The following SUPV3L1 variants were observed in gnomAD, a reference collection of about 807,000 sequenced individuals.
SUPV3L1 encodes the protein ATP-dependent RNA helicase SUPV3L1, mitochondrial.
A neutral mutation model predicts 70.0 loss-of-function variants in SUPV3L1; 35 were observed. The observed-to-expected ratio is 0.50, with a 90% confidence interval of 0.38 to 0.66. The LOEUF (loss-of-function observed/expected upper bound fraction) is 0.66, where lower values mean the gene tolerates loss of function less well. Among genes scored for constraint, SUPV3L1 ranks in the 30% least tolerant of loss-of-function variants. The pLI is 0.00. For synonymous variants in SUPV3L1, 364 were observed against 341.9 expected, an observed-to-expected ratio of 1.06 and a Z score of -0.71; for missense variants, 777 against 961.5, an observed-to-expected ratio of 0.81 and a Z score of 2.54.
At chr10:69,199,019 G>A in intron 9 of SUPV3L1, 85 bp from the exon 10 acceptor site, 1 of 967,212 alleles carries the variant, frequency 1.0e-6, no homozygotes, top group Non-Finnish European at 1.6e-6. Context: ...GGGAAGAACA[G>A]GAGGTGAGGG....
At position 69,189,585 on chromosome 10, in the gene SUPV3L1, A is replaced by G. The variant is rs144118253; in HGVS notation, c.741+150A>G. ...GCTGTCAATTGTAAGATGTACCATT[A>G]TTTTATATACAGTTAAGAAAGAAAA... On this transcript the variant is annotated intron_variant, in intron 5 of 14. Transcript: ENST00000359655. 54 of 682,542 alleles carry G rather than the reference A, an allele frequency of 7.9e-5. No individual in the cohort carries two copies. In the African/African-American group the frequency reaches 9.1e-4, roughly 12 times the overall value. 42.3% of individuals were successfully genotyped at this position (682,542 alleles called of 1,614,324 possible). A position where few individuals can be genotyped will look rare whatever the true frequency, so the allele number is the denominator to read the frequency against.
At chr10:69,180,932 G>C (rs1424961956) in intron 1 of SUPV3L1, among the ~76,000 whole-genome samples, 2 of 152,128 alleles carry the variant, frequency 1.3e-5, no homozygotes, top group East Asian at 3.9e-4. Context: ...AAAAGCCAGC[G>C]GAGACTCCTT....
Position 69,185,870 on chromosome 10 carries a change from G to A in SUPV3L1, c.272-117G>A. On this transcript the variant is annotated intron_variant, in intron 1 of 14. Coordinates refer to ENST00000359655, the MANE Select transcript of SUPV3L1 (RefSeq NM_003171.5). ...AAGAAGGATCGACTAAAACCTTCTA[G>A]TTCTTGCAACACTCATTAGACTGCT... The A allele has an allele frequency of 2.6e-5, 20 of 778,900 alleles. No individual in the cohort carries two copies. The South Asian group carries it at 2.7e-4, about 10-fold the overall frequency. The allele number at this position is 778,900 out of a possible 1,614,324, so 48.2% of individuals were successfully genotyped here. A position where few individuals can be genotyped will look rare whatever the true frequency, so the allele number is the denominator to read the frequency against.
chr10:69,189,835 A>G (rs975489162), intron 5 of SUPV3L1, among the ~76,000 whole-genome samples: 2 of 151,880 alleles, frequency 1.3e-5, no homozygotes, highest in Non-Finnish European at 2.9e-5. Context: ...TTTAGTAGAG[A>G]CGGGGTTTCA....
Position 69,189,356 on chromosome 10 carries a change from ACTTCTCAGCAAAGT to A in SUPV3L1, c.665_678del (p.Phe222TrpfsTer13). The A allele has an allele frequency of 6.2e-7, 1 of 1,614,164 alleles. No individual in the cohort carries two copies. Among genetic ancestry groups the A allele is most frequent in the Non-Finnish European group, 8.5e-7 (1 of 1,180,014 alleles). ...AAGACTTATCACGCAATCCAGAAATACTTCTCAGCAAAGTCTGGAGTGTATTGTGGCCCTCTAAA... is the reference window on the plus strand; with the variant it reads ...AAGACTTATCACGCAATCCAGAAATACTGGAGTGTATTGTGGCCCTCTAAA... On this transcript the variant is annotated frameshift_variant, in exon 5 of 15. Transcript: ENST00000359655. LOFTEE classifies it high-confidence loss of function.
intron 13 of SUPV3L1, 109 bp from the exon 14 acceptor site, chr10:69,207,684 G>C (rs1165641988): frequency 1.5e-6 from 2 of 1,325,256 alleles, no homozygotes; most frequent in Non-Finnish European, 2.0e-6. Flanking sequence ...CCTGTCTATT[G>C]AAATACAACC....
intron 13 of SUPV3L1, among the ~76,000 whole-genome samples, chr10:69,205,793 C>T (rs1437306233): frequency 2.0e-5 from 3 of 152,228 alleles, no homozygotes; most frequent in East Asian, 1.9e-4. Flanking sequence ...CCTTGGCCTC[C>T]CAAAGTGCAG....
chr10:69,194,530 T>G (rs1278562733), intron 6 of SUPV3L1, among the ~76,000 whole-genome samples: 1 of 152,020 alleles, frequency 6.6e-6, no homozygotes, highest in Non-Finnish European at 1.5e-5. Flanking sequence ...TTTTGTATCT[T>G]TAGTGGAGAC....
At chr10:69,197,387 G>A (rs1202438724) in intron 8 of SUPV3L1, among the ~76,000 whole-genome samples, 1 of 152,150 alleles carries the variant, frequency 6.6e-6, no homozygotes, top group Non-Finnish European at 1.5e-5. Flanking sequence ...AGAAGTTGGA[G>A]ACCCAGCAAG....
intron 1 of SUPV3L1, chr10:69,182,638 T>C (rs751660864): frequency 2.7e-4 from 267 of 985,328 alleles, no homozygotes; most frequent in East Asian, 4.5e-4. Context: ...AGATACTTCA[T>C]TGGGTCTGTG....
intron 1 of SUPV3L1, 32 bp from the exon 2 acceptor site, chr10:69,185,955 G>A (rs760874383): frequency 1.3e-6 from 2 of 1,535,728 alleles, no homozygotes; most frequent in South Asian, 1.1e-5. Context: ...TCTAAGATAA[G>A]GAAACGTTAA....
At chr10:69,181,987 T>A (rs548535802) in intron 1 of SUPV3L1, among the ~76,000 whole-genome samples, 14 of 151,534 alleles carry the variant, frequency 9.2e-5, no homozygotes, top group Admixed American at 9.2e-4. Flanking sequence ...TTTTTTAGTT[T>A]TTTTTTCTTT....
chr10:69,187,580 A>G (rs1297996636), intron 3 of SUPV3L1, 62 bp from the exon 4 acceptor site: 1 of 1,239,752 alleles, frequency 8.1e-7, no homozygotes, highest in Non-Finnish European at 1.1e-6. Flanking sequence ...AAAAGATTTC[A>G]CTAAATTTAG....
chr10:69,201,267 CT>C (rs1842673543), intron 11 of SUPV3L1, among the ~76,000 whole-genome samples: 1 of 152,132 alleles, frequency 6.6e-6, no homozygotes, highest in African/African-American at 2.4e-5. Flanking sequence ...TCTCTTGCCT[CT>C]TTTCTTCTGT....
In SUPV3L1 at chr10:69,180,977, A is replaced by T. The variant is rs150999835; in HGVS notation, c.271+415A>T. ...TTTATCATTGAGGAGGCGCCGACTC[A>T]TACCACGCTGTTAGGCTGTGTGGTG... On this transcript the variant is annotated intron_variant, in intron 1 of 14. Transcript: ENST00000359655. Among the ~76,000 whole-genome samples the T allele has an allele frequency of 2.0e-3, 300 of 152,284 alleles. 2 individuals carry two copies. Among genetic ancestry groups the T allele is most frequent in the African/African-American group, 6.9e-3 (286 of 41,564 alleles).
At chr10:69,181,704 A>G (rs1842066695) in intron 1 of SUPV3L1, among the ~76,000 whole-genome samples, 1 of 152,192 alleles carries the variant, frequency 6.6e-6, no homozygotes, top group Non-Finnish European at 1.5e-5. Flanking sequence ...TGAGCCTGTG[A>G]GACAGAGAAA....
chr10:69,208,994 A>G lies in SUPV3L1; in HGVS notation c.2320A>G (p.Lys774Glu). 6.3e-7 allele frequency: 1 copy of G among 1,594,162 alleles called. No homozygotes were observed. The highest frequency in any genetic ancestry group is 8.5e-7 in the Non-Finnish European group (1 of 1,171,956). ...AAAAACAGAGTCTGGGACTCATCCA[A>G]AAGGGACGAGAAGAAAGAAGAAGGA... ...KEKTESGTHP[K>E]GTRRKKKEPD... is the part of the protein sequence containing the mutation. The change falls in exon 15 of 15, where the codon AAA (lysine) becomes GAA (glutamate). Residue 774 changes from lysine (K) to glutamate (E), a missense_variant. By Grantham distance (56) the Lys-to-Glu change is moderately conservative. Transcript: ENST00000359655.
chr10:69,204,238 C>T (rs543833464), intron 13 of SUPV3L1, among the ~76,000 whole-genome samples: 3 of 152,166 alleles, frequency 2.0e-5, no homozygotes, highest in African/African-American at 7.2e-5. Flanking sequence ...ATAAACATAA[C>T]ATGTTCTCTC....
At position 69,189,337 on chromosome 10, in the gene SUPV3L1, T is replaced by C; in HGVS notation, c.643T>C (p.Tyr215His). 1 of 1,614,144 alleles carries C rather than the reference T, an allele frequency of 6.2e-7. No homozygotes were observed. Among genetic ancestry groups the C allele is most frequent in the East Asian group, 2.2e-5 (1 of 44,876 alleles). ...HSGPTNSGKT[Y>H]HAIQKYFSAK... ...AGGCCCCACAAACAGTGGAAAGACT[T>C]ATCACGCAATCCAGAAATACTTCTC... Residue 215 changes from tyrosine to histidine, a missense_variant, in exon 5 of 15, where the codon TAT becomes CAT. Coordinates refer to ENST00000359655, the MANE Select transcript of SUPV3L1 (RefSeq NM_003171.5).
Sources: gnomAD v4.1 joint callset for allele counts (sites outside exome capture counted in the v4.1 genomes callset) on GRCh38, gnomAD v4.1.1 for gene constraint, MANE v1.5 for transcripts, NCBI Gene and HGNC (gene_info 2026-07-23, HGNC 2026-07-21) for gene names.